Variants in PCDHGA1 observed in about 807,000 individuals in gnomAD.
PCDHGA1 encodes the protein protocadherin gamma subfamily A, 1, also known as protocadherin gamma-A1.
In PCDHGA1, 32 loss-of-function variants were observed where a neutral mutation model predicts 58.0. The observed-to-expected ratio is 0.55, with a 90% CI of 0.42 to 0.74. The LOEUF (loss-of-function observed/expected upper bound fraction) is 0.74, where lower values mean the gene tolerates loss of function less well. Ranked by LOEUF, PCDHGA1 falls within the 30% of genes least tolerant of loss-of-function variation. The pLI, the probability that PCDHGA1 is intolerant of heterozygous loss-of-function variation, is 0.00. For missense variants in PCDHGA1, 1,205 were observed against 1,182.3 expected (o/e 1.02, Z -0.28); for synonymous variants, 498 against 501.1 (o/e 0.99, Z 0.08).
At chr5:141,419,029 T>C in intron 1 of PCDHGA1, 1 of 1,613,886 alleles carries the variant, frequency 6.2e-7, no homozygotes, top group Non-Finnish European at 8.5e-7. Flanking sequence ...GTAGAGGTGT[T>C]CCATTTAAGA....
chr5:141,332,827 A>G lies in PCDHGA1; in HGVS notation c.2143A>G (p.Arg715Gly), dbSNP rs1243186049. The change falls in exon 1 of 4, where the codon AGG becomes GGG. Residue 715 changes from arginine to glycine, a missense_variant. Transcript: ENST00000517417. The surrounding 1 kb of genome is among the most constrained non-coding windows in gnomAD (Gnocchi z 4.6). Reference sequence around the variant, plus strand: ...CTTCGTCATCGTGCTGCTGGCGCACAGGCTGCGGCGCTGGCACAAGTCACG... The same window carrying G: ...CTTCGTCATCGTGCTGCTGGCGCACGGGCTGCGGCGCTGGCACAAGTCACG... ...LAFVIVLLAH[R>G]LRRWHKSRLL... is the part of the protein sequence containing the mutation. 1.9e-6 allele frequency: 3 copies of G among 1,614,192 alleles called. No individual in the cohort carries two copies. Among genetic ancestry groups the G allele is most frequent in the Non-Finnish European group, 2.5e-6 (3 of 1,180,036 alleles).
chr5:141,415,704 T>C (rs1262137262), intron 1 of PCDHGA1: 1 of 1,344,464 alleles, frequency 7.4e-7, no homozygotes, highest in South Asian at 1.3e-5. Context: ...GTGTAAATGC[T>C]AAAACACTGA....
rs376221362 is a variant in PCDHGA1, at chr5:141,389,239, A to G, written c.2421+56134A>G. 8.2e-5 allele frequency: 132 copies of G among 1,614,008 alleles called. No homozygotes were observed. The highest frequency in any genetic ancestry group is 6.6e-4 in the Middle Eastern group (4 of 6,062). ...AATGACAACGCTCCGGTTTTCTCAC[A>G]GTCTTCCTATATAGTCCACGTGGCC... On this transcript the variant is annotated intron_variant, in intron 1 of 3. Coordinates refer to ENST00000517417, the MANE Select transcript of PCDHGA1 (RefSeq NM_018912.3).
intron 1 of PCDHGA1, chr5:141,350,990 T>C (rs1193201622): frequency 1.2e-6 from 2 of 1,614,052 alleles, no homozygotes; most frequent in Admixed American, 1.7e-5. Context: ...CCAGGAGGTA[T>C]ACAGGGTTAG....
At chr5:141,366,323 G>A in intron 1 of PCDHGA1, 1 of 1,613,796 alleles carries the variant, frequency 6.2e-7, no homozygotes, top group Non-Finnish European at 8.5e-7. Flanking sequence ...CGTTGCCGTG[G>A]CCGACAGGAT....
In PCDHGA1 at chr5:141,351,759, A is replaced by G; in HGVS notation, c.2421+18654A>G. ...CTGGAGCCGCGGGAGCTGTTGTCCT[A>G]CGTGTCCGTGAGCCCGCAGAGCGGG... is the stretch of plus-strand genomic sequence containing the variant. On this transcript the variant is annotated intron_variant, in intron 1 of 3. Coordinates refer to ENST00000517417, the MANE Select transcript of PCDHGA1 (RefSeq NM_018912.3). 1.9e-6 allele frequency: 3 copies of G among 1,613,582 alleles called. No individual in the cohort carries two copies. In the South Asian group the frequency reaches 3.3e-5, roughly 18 times the overall value.
At chr5:141,442,202 G>A (rs1033563159) in intron 1 of PCDHGA1, 2 of 153,258 alleles carry the variant, frequency 1.3e-5, no homozygotes, top group African/African-American at 4.8e-5. Context: ...TTTATATCTG[G>A]TGATTGCCTT....
Position 141,487,291 on chromosome 5 carries a change from C to T in PCDHGA1, c.2422-7516C>T, listed in dbSNP as rs748961925. The stretch of plus-strand genomic sequence containing the variant: ...TGGCAATTTGCTTTGTCTCCTTTGG[C>T]TCATTCGTGGCACTACTCTCTAAGT... On this transcript the variant is annotated intron_variant, in intron 1 of 3. Transcript: ENST00000517417. This position sits in a 1 kb window ranked among gnomAD's most constrained non-coding sequence, Gnocchi z 5.0. The T allele has an allele frequency of 1.9e-5, 30 of 1,614,036 alleles. No homozygotes were observed. Among genetic ancestry groups the T allele is most frequent in the Non-Finnish European group, 2.5e-5 (30 of 1,180,020 alleles).
chr5:141,510,854 T>A, intron 3 of PCDHGA1, 93 bp from the exon 4 acceptor site: 1 of 1,602,320 alleles, frequency 6.2e-7, no homozygotes, highest in East Asian at 2.2e-5. Context: ...CCCAGGGTGC[T>A]GTATAGGCAT....
At position 141,421,139 on chromosome 5, in the gene PCDHGA1, A is replaced by T. The variant is rs2096548615; in HGVS notation, c.2422-73668A>T. Reference sequence around the variant, plus strand: ...TCCTTCGCTTTCTGATATATTTTGGATGTAGTCGGCCTAGGACTTCATAGA... The same window carrying T: ...TCCTTCGCTTTCTGATATATTTTGGTTGTAGTCGGCCTAGGACTTCATAGA... On this transcript the variant is annotated intron_variant, in intron 1 of 3. Transcript: ENST00000517417. 5 of 913,574 alleles carry T rather than the reference A, an allele frequency of 5.5e-6. No individual in the cohort carries two copies. The South Asian group carries it at 8.8e-5, about 16-fold the overall frequency. 56.6% of individuals were successfully genotyped at this position (913,574 alleles called of 1,614,324 possible). A position where few individuals can be genotyped will look rare whatever the true frequency, so the allele number is the denominator to read the frequency against.
At chr5:141,446,604 G>C (rs1226194089) in intron 1 of PCDHGA1, among the ~76,000 whole-genome samples, 1 of 152,134 alleles carries the variant, frequency 6.6e-6, no homozygotes, top group Non-Finnish European at 1.5e-5. Flanking sequence ...AGCCTCCTGA[G>C]TAGCTGGGAC....
chr5:141,371,682 C>G, intron 1 of PCDHGA1: 4 of 1,614,036 alleles, frequency 2.5e-6, no homozygotes, highest in Non-Finnish European at 2.5e-6. Flanking sequence ...CAAAGGCAAT[C>G]CACCGCTCTC....
chr5:141,416,224 T>G (rs2096006627), intron 1 of PCDHGA1: 1 of 152,382 alleles, frequency 6.6e-6, no homozygotes, highest in Admixed American at 6.5e-5. Context: ...TATGCTTAGA[T>G]TTTTCCAGCC....
intron 1 of PCDHGA1, chr5:141,414,156 T>TCTC (rs1462369810): frequency 6.2e-7 from 1 of 1,601,848 alleles, no homozygotes; most frequent in Admixed American, 1.7e-5. Flanking sequence ...AAGCAGAAGA[T>TCTC]GGAGGAGCAT....
At position 141,431,026 on chromosome 5, in the gene PCDHGA1, G is replaced by A; in HGVS notation, c.2422-63781G>A. On this transcript the variant is annotated intron_variant, in intron 1 of 3. Coordinates refer to ENST00000517417, the MANE Select transcript of PCDHGA1 (RefSeq NM_018912.3). This position sits in a 1 kb window ranked among gnomAD's most constrained non-coding sequence, Gnocchi z 4.8. Reference sequence around the variant, plus strand: ...GCGGCAGCTTGGTCACGGCGGGCAGGATAGACCGGGAGGAGCTCTGTATGG... The same window carrying A: ...GCGGCAGCTTGGTCACGGCGGGCAGAATAGACCGGGAGGAGCTCTGTATGG... The A allele has an allele frequency of 1.2e-6, 2 of 1,614,118 alleles. No homozygotes were observed. The highest frequency in any genetic ancestry group is 1.7e-6 in the Non-Finnish European group (2 of 1,179,960).
At position 141,478,736 on chromosome 5, in the gene PCDHGA1, T is replaced by G; in HGVS notation, c.2422-16071T>G. On this transcript the variant is annotated intron_variant, in intron 1 of 3. Coordinates refer to ENST00000517417, the MANE Select transcript of PCDHGA1 (RefSeq NM_018912.3). Reference sequence around the variant, plus strand: ...TGGTGGCCTGCCAGAGTGTGGTTTGTGGTCCCATTTCAGGGGGAAGATACT... The same window carrying G: ...TGGTGGCCTGCCAGAGTGTGGTTTGGGGTCCCATTTCAGGGGGAAGATACT... 5 of 1,534,796 alleles carry G rather than the reference T, an allele frequency of 3.3e-6. No homozygotes were observed. In the South Asian group the frequency reaches 6.2e-5, roughly 19 times the overall value.
rs1003050993 is a variant in PCDHGA1, at chr5:141,477,637, T to A, written c.2422-17170T>A. ...AAGGAGCTGAAACCGGGCTAGTGGG[T>A]CGCTATTTCACAATAAATCGTGACA... On this transcript the variant is annotated intron_variant, in intron 1 of 3. Transcript: ENST00000517417. This position sits in a 1 kb window ranked among gnomAD's most constrained non-coding sequence, Gnocchi z 4.9. 6.2e-7 allele frequency: 1 copy of A among 1,614,154 alleles called. No individual in the cohort carries two copies. Among genetic ancestry groups the A allele is most frequent in the African/African-American group, 1.3e-5 (1 of 75,040 alleles).
intron 2 of PCDHGA1, among the ~76,000 whole-genome samples, chr5:141,497,076 C>T (rs1052240279): frequency 5.9e-5 from 9 of 151,826 alleles, no homozygotes; most frequent in Non-Finnish European, 8.8e-5. Context: ...GTAATCCCAG[C>T]GACTTAGGAG....
rs756709819 is a variant in PCDHGA1, at chr5:141,356,058, C to T, written c.2421+22953C>T. 7 of 1,613,866 alleles carry T rather than the reference C, an allele frequency of 4.3e-6. No individual in the cohort carries two copies. In the Admixed American group the frequency reaches 1.0e-4, roughly 23 times the overall value. On this transcript the variant is annotated intron_variant, in intron 1 of 3. Coordinates refer to ENST00000517417, the MANE Select transcript of PCDHGA1 (RefSeq NM_018912.3). ...CGTATTCTTTCCGGAAAGTAAGAGACAAAATATCACAGCTATTTCAGTTGA... is the reference window on the plus strand; with the variant it reads ...CGTATTCTTTCCGGAAAGTAAGAGATAAAATATCACAGCTATTTCAGTTGA...
Sources: gnomAD v4.1 joint callset for allele counts (sites outside exome capture counted in the v4.1 genomes callset) on GRCh38, gnomAD v4.1.1 for gene constraint, Gnocchi (gnomAD v3.1) non-coding constraint, MANE v1.5 for transcripts, NCBI Gene and HGNC (gene_info 2026-07-23, HGNC 2026-07-21) for gene names.